Variants in SLCO3A1 observed in about 807,000 individuals in gnomAD.
SLCO3A1 encodes solute carrier organic anion transporter family member 3A1.
In SLCO3A1, 27 loss-of-function variants were observed where a neutral mutation model predicts 63.1. The observed-to-expected ratio is 0.43, with a 90% CI of 0.32 to 0.59. The LOEUF is 0.59. Among genes scored for constraint, SLCO3A1 ranks in the 20% least tolerant of loss-of-function variants. The pLI is 0.09. For missense variants in SLCO3A1, 773 were observed against 945.8 expected (o/e 0.82, Z 2.40); for synonymous variants, 473 against 409.9 (o/e 1.15, Z -1.86).
intron 2 of SLCO3A1, among the ~76,000 whole-genome samples, chr15:91,990,934 G>A (rs1455735845): frequency 1.3e-5 from 2 of 152,336 alleles, no homozygotes; most frequent in South Asian, 2.1e-4. Flanking sequence ...CGTGGGGACA[G>A]TGAAGAGCTG....
chr15:91,928,547 C>A (rs1309652957), intron 2 of SLCO3A1, among the ~76,000 whole-genome samples: 1 of 152,152 alleles, frequency 6.6e-6, no homozygotes, highest in African/African-American at 2.4e-5. Flanking sequence ...TAATATAGGA[C>A]CCCAAGAATG....
chr15:91,854,401 G>A lies in SLCO3A1; in HGVS notation c.180+313G>A, dbSNP rs529319077. 38 of 1,039,806 alleles carry A rather than the reference G, an allele frequency of 3.7e-5. No individual in the cohort carries two copies. The highest frequency in any genetic ancestry group is 7.2e-5 in the East Asian group (1 of 13,876). The allele number at this position is 1,039,806 out of a possible 1,614,324, so 64.4% of individuals were successfully genotyped here. ...CTATTCCTCTCCCCCCATAAGAGCG[G>A]AGCGAGACGGTGAGTTCAGGGTTCT... On this transcript the variant is annotated intron_variant, in intron 1 of 9. Transcript: ENST00000318445. The surrounding 1 kb of genome is among the most constrained non-coding windows in gnomAD (Gnocchi z 6.4).
intron 3 of SLCO3A1, among the ~76,000 whole-genome samples, chr15:92,102,613 C>T (rs990511351): frequency 2.0e-5 from 3 of 152,156 alleles, no homozygotes; most frequent in African/African-American, 7.2e-5. Flanking sequence ...ACTGTCCCCT[C>T]TCCAGCATGT....
At position 92,033,907 on chromosome 15, in the gene SLCO3A1, C is replaced by T. The variant is rs896676465; in HGVS notation, c.647-60974C>T. ...TGAGGCTTATTAGGGCTGGAGCAGG[C>T]TGGCGTTGATGAGCTGGGAGCAGGC... On this transcript the variant is annotated intron_variant, in intron 2 of 9. Coordinates refer to ENST00000318445, the MANE Select transcript of SLCO3A1 (RefSeq NM_013272.4). The surrounding 1 kb of genome is among the most constrained non-coding windows in gnomAD (Gnocchi z 4.5). 2.0e-5 allele frequency among the ~76,000 whole-genome samples: 3 copies of T among 151,928 alleles called. No individual in the cohort carries two copies. The highest frequency in any genetic ancestry group is 7.3e-5 in the African/African-American group (3 of 41,352).
At chr15:92,146,021 G>A (rs903770854) in intron 7 of SLCO3A1, among the ~76,000 whole-genome samples, 1 of 152,204 alleles carries the variant, frequency 6.6e-6, no homozygotes, top group African/African-American at 2.4e-5. Context: ...GTAAAAGCCA[G>A]AGGGGATTTA....
At chr15:92,129,508 C>T (rs1277956165) in intron 7 of SLCO3A1, among the ~76,000 whole-genome samples, 1 of 152,148 alleles carries the variant, frequency 6.6e-6, no homozygotes, top group Non-Finnish European at 1.5e-5. Flanking sequence ...TCCTTCGGTG[C>T]CTCTTTCTCC....
At chr15:92,134,130 T>TA (rs2048028316) in intron 7 of SLCO3A1, among the ~76,000 whole-genome samples, 1 of 152,220 alleles carries the variant, frequency 6.6e-6, no homozygotes. Flanking sequence ...GCTGTCTACT[T>TA]AGACACAGCC....
chr15:92,075,308 C>G (rs1303510763), intron 2 of SLCO3A1, among the ~76,000 whole-genome samples: 1 of 152,146 alleles, frequency 6.6e-6, no homozygotes, highest in Non-Finnish European at 1.5e-5. Flanking sequence ...GGCACGGCTT[C>G]TAGATCCTTA....
At chr15:92,063,482 C>T (rs2047110790) in intron 2 of SLCO3A1, among the ~76,000 whole-genome samples, 1 of 152,210 alleles carries the variant, frequency 6.6e-6, no homozygotes, top group Admixed American at 6.5e-5. Context: ...CAGTAAGAAC[C>T]ATTACAGAGG....
chr15:91,868,147 G>A (rs1897211744), intron 1 of SLCO3A1, among the ~76,000 whole-genome samples: 1 of 151,968 alleles, frequency 6.6e-6, no homozygotes, highest in South Asian at 2.1e-4. Flanking sequence ...TGCCTCCTGG[G>A]TTCAAGTAGT....
At chr15:91,961,432 G>A (rs1252399199) in intron 2 of SLCO3A1, among the ~76,000 whole-genome samples, 1 of 152,222 alleles carries the variant, frequency 6.6e-6, no homozygotes, top group Non-Finnish European at 1.5e-5. Context: ...TGGGGCAGAA[G>A]AACAGCTCTC....
At chr15:91,925,790 A>G (rs1366210977) in intron 2 of SLCO3A1, among the ~76,000 whole-genome samples, 1 of 152,224 alleles carries the variant, frequency 6.6e-6, no homozygotes, top group African/African-American at 2.4e-5. Context: ...GAACTTGCCT[A>G]CAGAGAAAAG....
chr15:92,059,496 C>T (rs1412344639), intron 2 of SLCO3A1, among the ~76,000 whole-genome samples: 3 of 152,112 alleles, frequency 2.0e-5, no homozygotes, highest in Admixed American at 2.0e-4. Flanking sequence ...AGGACACATG[C>T]CTGGCCCTCA....
chr15:91,907,394 T>A (rs1898343848), intron 1 of SLCO3A1, among the ~76,000 whole-genome samples: 1 of 151,942 alleles, frequency 6.6e-6, no homozygotes, highest in Non-Finnish European at 1.5e-5. Context: ...TTAGTAGAGA[T>A]GGGGTTTCAC....
At chr15:91,918,121 C>T (rs867188265) in intron 2 of SLCO3A1, among the ~76,000 whole-genome samples, 2 of 152,302 alleles carry the variant, frequency 1.3e-5, no homozygotes, top group African/African-American at 4.8e-5. Context: ...TTAAGCTGTG[C>T]TGTTTCCCCA....
chr15:92,002,605 A>G (rs1213893591), intron 2 of SLCO3A1, among the ~76,000 whole-genome samples: 1 of 152,070 alleles, frequency 6.6e-6, no homozygotes, highest in Non-Finnish European at 1.5e-5. Context: ...CAAATAATTA[A>G]TTTTATTTGC....
At chr15:92,016,275 T>TAGATAGAC (rs1474175649) in intron 2 of SLCO3A1, among the ~76,000 whole-genome samples, 1 of 141,716 alleles carries the variant, frequency 7.1e-6, no homozygotes. Flanking sequence ...GATAGATAGA[T>TAGATAGAC]AGATAGATGT....
At chr15:91,930,340 C>T (rs1899182125) in intron 2 of SLCO3A1, among the ~76,000 whole-genome samples, 1 of 152,192 alleles carries the variant, frequency 6.6e-6, no homozygotes, top group Non-Finnish European at 1.5e-5. Context: ...TTGTCCTTCA[C>T]ATTGCCACTG....
chr15:91,987,041 T>A (rs1441561711), intron 2 of SLCO3A1, among the ~76,000 whole-genome samples: 1 of 152,154 alleles, frequency 6.6e-6, no homozygotes, highest in African/African-American at 2.4e-5. Context: ...TACTCATCTT[T>A]GGGGCTTCAC....
Sources: allele counts gnomAD v4.1 joint callset (sites outside exome capture counted in the v4.1 genomes callset), GRCh38; gene constraint gnomAD v4.1.1; non-coding constraint Gnocchi (gnomAD v3.1); transcripts MANE v1.5; gene names NCBI Gene and HGNC (gene_info 2026-07-23, HGNC 2026-07-21).